CNTLN: variants seen among roughly 807,000 people sequenced by gnomAD.
CNTLN encodes the protein centlein, centrosomal protein.
Under a neutral mutation model 180.0 loss-of-function variants are expected in CNTLN, and 212 were observed. The ratio of observed to expected loss-of-function variants is 1.18; its 90% confidence interval spans 1.05 to 1.32. CNTLN has a LOEUF of 1.32. Among genes scored for constraint, CNTLN ranks in the 40% most tolerant of loss-of-function variants. The pLI is 0.00. For synonymous variants in CNTLN, 722 were observed against 563.1 expected (o/e 1.28, Z -3.99); for missense variants, 2,095 against 1,610.9 (o/e 1.30, Z -5.14).
chr9:17,302,345 G>A (rs866535944), intron 7 of CNTLN, among the ~76,000 whole-genome samples: 1 of 151,840 alleles, frequency 6.6e-6, no homozygotes, highest in Non-Finnish European at 1.5e-5. Flanking sequence ...CTACAGGCAC[G>A]TGCCACCACA....
chr9:17,427,478 A>G (rs1829163521), intron 18 of CNTLN, among the ~76,000 whole-genome samples: 1 of 152,134 alleles, frequency 6.6e-6, no homozygotes, highest in African/African-American at 2.4e-5. Flanking sequence ...TTAAAATTTC[A>G]TGAGTAAAGA....
At chr9:17,442,331 A>G (rs778037945) in intron 18 of CNTLN, among the ~76,000 whole-genome samples, 2 of 152,216 alleles carry the variant, frequency 1.3e-5, no homozygotes, top group Non-Finnish European at 2.9e-5. Flanking sequence ...TCTGATCATA[A>G]TGGTATGAAG....
At chr9:17,336,827 G>A (rs1821074705) in intron 10 of CNTLN, among the ~76,000 whole-genome samples, 1 of 152,056 alleles carries the variant, frequency 6.6e-6, no homozygotes, top group African/African-American at 2.4e-5. Context: ...ACCTACATTA[G>A]GTATTTCTCT....
At chr9:17,195,206 GTGTT>G (rs1173432705) in intron 2 of CNTLN, among the ~76,000 whole-genome samples, 1 of 152,170 alleles carries the variant, frequency 6.6e-6, no homozygotes, top group Non-Finnish European at 1.5e-5. Context: ...AAATTGGAAG[GTGTT>G]TCATGATGAG....
chr9:17,505,046 C>T (rs1275738800), downstream of CNTLN, among the ~76,000 whole-genome samples: 1 of 152,056 alleles, frequency 6.6e-6, no homozygotes, highest in Admixed American at 6.6e-5. Context: ...CTGGTTCAAT[C>T]AGTGTAAACC....
the CNTLN span, among the ~76,000 whole-genome samples, chr9:17,527,948 A>G: frequency 2.0e-5 from 3 of 152,152 alleles, no homozygotes; most frequent in Non-Finnish European, 4.4e-5. Context: ...GATCAACAAA[A>G]TAAATATTTT....
chr9:17,145,771 G>A (rs1283755361), intron 2 of CNTLN, among the ~76,000 whole-genome samples: 1 of 152,240 alleles, frequency 6.6e-6, no homozygotes, highest in Non-Finnish European at 1.5e-5. Context: ...ACAGTTTCTA[G>A]GATGCCAGAT....
intron 5 of CNTLN, among the ~76,000 whole-genome samples, chr9:17,237,519 TA>T (rs756282702): frequency 7.3e-5 from 11 of 151,698 alleles, no homozygotes; most frequent in African/African-American, 9.7e-5. Flanking sequence ...ATACAATAAT[TA>T]AAAAAAACAA....
chr9:17,232,624 A>G (rs1179646190), intron 3 of CNTLN, among the ~76,000 whole-genome samples: 1 of 152,038 alleles, frequency 6.6e-6, no homozygotes, highest in Non-Finnish European at 1.5e-5. Flanking sequence ...GGTATTTTAC[A>G]AACAGTTTTA....
intron 19 of CNTLN, 41 bp from the exon 20 acceptor site, chr9:17,462,871 CAAGG>C (rs1564127635): frequency 9.6e-7 from 1 of 1,041,270 alleles, no homozygotes; most frequent in Admixed American, 2.8e-5. Flanking sequence ...TGCCTTAGAC[CAAGG>C]TTGTAAGGTA....
At chr9:17,376,716 G>A (rs1179259755) in intron 13 of CNTLN, among the ~76,000 whole-genome samples, 2 of 152,140 alleles carry the variant, frequency 1.3e-5, no homozygotes, top group African/African-American at 4.8e-5. Flanking sequence ...CTCCCAAAGT[G>A]CTGGGATTAC....
At chr9:17,372,907 G>A (rs1481605200) in intron 13 of CNTLN, among the ~76,000 whole-genome samples, 3 of 152,092 alleles carry the variant, frequency 2.0e-5, no homozygotes, top group Non-Finnish European at 4.4e-5. Context: ...TCCTGAAAAA[G>A]CATTCAGTGA....
At chr9:17,184,186 C>T (rs1821291116) in intron 2 of CNTLN, among the ~76,000 whole-genome samples, 1 of 152,012 alleles carries the variant, frequency 6.6e-6, no homozygotes, top group African/African-American at 2.4e-5. Context: ...GTGATTTTTA[C>T]CGACAAACGG....
At chr9:17,169,230 T>C (rs1820275745) in intron 2 of CNTLN, among the ~76,000 whole-genome samples, 1 of 152,044 alleles carries the variant, frequency 6.6e-6, no homozygotes, top group Non-Finnish European at 1.5e-5. Context: ...AACTCCTGGG[T>C]TCAAGCATCC....
intron 2 of CNTLN, among the ~76,000 whole-genome samples, chr9:17,171,813 A>T (rs931835658): frequency 1.3e-5 from 2 of 151,862 alleles, no homozygotes; most frequent in African/African-American, 4.8e-5. Context: ...AAGTGTGGTT[A>T]TGTGCAAAGT....
chr9:17,271,908 G>A (rs1467451671), intron 5 of CNTLN, among the ~76,000 whole-genome samples: 8 of 152,026 alleles, frequency 5.3e-5, no homozygotes, highest in Non-Finnish European at 2.9e-5. Flanking sequence ...TAGCTGCCTG[G>A]TTGTTCCATT....
intron 8 of CNTLN, among the ~76,000 whole-genome samples, chr9:17,320,201 C>T (rs1819809687): frequency 6.6e-6 from 1 of 152,190 alleles, no homozygotes; most frequent in African/African-American, 2.4e-5. Flanking sequence ...TAGTTACTCT[C>T]TCTTCCTTGC....
At chr9:17,408,154 A>G (rs1827550555) in intron 15 of CNTLN, among the ~76,000 whole-genome samples, 1 of 146,460 alleles carries the variant, frequency 6.8e-6, no homozygotes, top group South Asian at 2.2e-4. Flanking sequence ...AAAAAAAAAG[A>G]CCAAGGAGAT....
At chr9:17,355,858 A>G (rs993520430) in intron 12 of CNTLN, among the ~76,000 whole-genome samples, 1 of 151,636 alleles carries the variant, frequency 6.6e-6, no homozygotes, top group Non-Finnish European at 1.5e-5. Flanking sequence ...AGGTTAAGAG[A>G]TCGAGACCAT....
Sources: gnomAD v4.1 joint callset for allele counts (sites outside exome capture counted in the v4.1 genomes callset) on GRCh38, gnomAD v4.1.1 for gene constraint, MANE v1.5 for transcripts, NCBI Gene and HGNC (gene_info 2026-07-23, HGNC 2026-07-21) for gene names.